DCC: variants seen among roughly 807,000 people sequenced by gnomAD.
DCC encodes DCC netrin 1 receptor.
In DCC, 58 loss-of-function variants were observed where a neutral mutation model predicts 172.5. The ratio of observed to expected loss-of-function variants is 0.34; its 90% CI spans 0.27 to 0.42. The LOEUF (loss-of-function observed/expected upper bound fraction) is 0.42, where lower values mean the gene tolerates loss of function less well. DCC is among the 10% of genes least tolerant of loss of function. The pLI, the probability that DCC is intolerant of heterozygous loss-of-function variation, is 1.00. For missense variants in DCC, 1,740 were observed against 1,791.0 expected (o/e 0.97, Z 0.51); for synonymous variants, 709 against 644.5 (o/e 1.10, Z -1.52).
chr18:53,169,076 A>T (rs1379591218), intron 8 of DCC, among the ~76,000 whole-genome samples: 1 of 152,210 alleles, frequency 6.6e-6, no homozygotes, highest in Non-Finnish European at 1.5e-5. Flanking sequence ...GGCACAGGAG[A>T]ATATACTCTA....
At position 53,111,883 on chromosome 18, in the gene DCC, A is replaced by G. The variant is rs56178538; in HGVS notation, c.1262-45473A>G. Among the ~76,000 whole-genome samples the G allele has an allele frequency of 9.8e-3, 1,495 of 151,806 alleles. 32 individuals carry two copies. Among genetic ancestry groups the G allele is most frequent in the African/African-American group, 0.033 (1,354 of 41,512 alleles). On this transcript the variant is annotated intron_variant, in intron 7 of 28. Coordinates refer to ENST00000442544, the MANE Select transcript of DCC (RefSeq NM_005215.4). ...AGTTGTTTTGCAATTTGCAGTTTCAATTGCTGAAAATTCTCTTGAATGCTT... is the reference window on the plus strand; with the variant it reads ...AGTTGTTTTGCAATTTGCAGTTTCAGTTGCTGAAAATTCTCTTGAATGCTT...
chr18:53,241,643 A>G (rs931955468), intron 12 of DCC, among the ~76,000 whole-genome samples: 6 of 152,200 alleles, frequency 3.9e-5, no homozygotes, highest in African/African-American at 1.4e-4. Context: ...TTGAAGGCCC[A>G]GACAAAGAAC....
At position 53,367,849 on chromosome 18, in the gene DCC, A is replaced by G. The variant is rs34818753; in HGVS notation, c.2360-18194A>G. On this transcript the variant is annotated intron_variant, in intron 15 of 28. Transcript: ENST00000442544. ...TTAATCTGTGTTAAAGCATGCAACA[A>G]TGCCCTCAGAATTTCCTTCTTTTTA... Among the ~76,000 whole-genome samples the G allele has an allele frequency of 1.3e-3, 194 of 152,338 alleles. 1 individual carries two copies. The highest frequency in any genetic ancestry group is 0.011 in the South Asian group (55 of 4,830).
chr18:52,819,953 C>A (rs141192483), intron 2 of DCC, among the ~76,000 whole-genome samples: 1 of 152,060 alleles, frequency 6.6e-6, no homozygotes, highest in East Asian at 1.9e-4. Context: ...ATCTCCTGAC[C>A]TCGTGATCCA....
chr18:52,616,226 G>A (rs73955750), intron 1 of DCC, among the ~76,000 whole-genome samples: 6,421 of 152,050 alleles, frequency 0.042, 458 homozygotes, highest in African/African-American at 0.15. Context: ...TTGTCATGGT[G>A]TTCAGTCTCT....
chr18:53,164,803 T>G (rs2054891974), intron 8 of DCC, among the ~76,000 whole-genome samples: 1 of 152,198 alleles, frequency 6.6e-6, no homozygotes, highest in Non-Finnish European at 1.5e-5. Flanking sequence ...AACTCTTATT[T>G]AGAGAGGACT....
At chr18:52,733,666 T>A (rs1195275658) in intron 1 of DCC, among the ~76,000 whole-genome samples, 7 of 152,050 alleles carry the variant, frequency 4.6e-5, no homozygotes, top group Admixed American at 4.6e-4. Flanking sequence ...GGCTATTTTT[T>A]AAATGTTTTT....
chr18:52,889,332 G>T (rs1234200141), intron 2 of DCC, among the ~76,000 whole-genome samples: 1 of 152,044 alleles, frequency 6.6e-6, no homozygotes, highest in Non-Finnish European at 1.5e-5. Context: ...GAAAATGATA[G>T]TAGATGAGTA....
intron 7 of DCC, among the ~76,000 whole-genome samples, chr18:53,099,943 C>CTTTCTTTCTTTTTTTTTTTT (rs2043143038): frequency 1.1e-5 from 1 of 92,758 alleles, no homozygotes; most frequent in African/African-American, 5.0e-5. Context: ...TTCTTTCTTT[C>CTTTCTTTCTTTTTTTTTTTT]TTTTTTTTTT....
chr18:52,700,007 G>A (rs2036080431), intron 1 of DCC, among the ~76,000 whole-genome samples: 1 of 151,026 alleles, frequency 6.6e-6, no homozygotes, highest in Admixed American at 6.6e-5. Context: ...TAAGAGTAGA[G>A]CAATGTATTC....
intron 7 of DCC, among the ~76,000 whole-genome samples, chr18:53,118,666 C>G (rs1352372971): frequency 6.6e-6 from 1 of 151,646 alleles, no homozygotes; most frequent in East Asian, 1.9e-4. Flanking sequence ...TTATGTGGGA[C>G]AGGCAATGCG....
In DCC at chr18:52,548,778, G is replaced by T. The variant is rs190881958; in HGVS notation, c.92-203276G>T. ...GGAATATTTGGGGTCTCAAATTCTGGAGAAATTTCCCATTTGTAGACAAAA... is the reference window on the plus strand; with the variant it reads ...GGAATATTTGGGGTCTCAAATTCTGTAGAAATTTCCCATTTGTAGACAAAA... On this transcript the variant is annotated intron_variant, in intron 1 of 28. Coordinates refer to ENST00000442544, the MANE Select transcript of DCC (RefSeq NM_005215.4). 6.0e-3 allele frequency among the ~76,000 whole-genome samples: 906 copies of T among 152,110 alleles called. 6 individuals are homozygous for T. The highest frequency in any genetic ancestry group is 0.022 in the South Asian group (104 of 4,826).
chr18:52,678,225 T>G (rs776730075), intron 1 of DCC, among the ~76,000 whole-genome samples: 2 of 152,214 alleles, frequency 1.3e-5, no homozygotes, highest in Non-Finnish European at 2.9e-5. Flanking sequence ...AAGGTTAACG[T>G]TAAGAAACAC....
At chr18:52,883,318 ATTTT>A (rs1307365319) in intron 2 of DCC, among the ~76,000 whole-genome samples, 1 of 133,160 alleles carries the variant, frequency 7.5e-6, no homozygotes, top group Non-Finnish European at 1.6e-5. Context: ...TTTTATTTTT[ATTTT>A]ATTTTTTATT....
chr18:53,504,756 GGAGA>G (rs1205019652), intron 27 of DCC, among the ~76,000 whole-genome samples: 4 of 152,132 alleles, frequency 2.6e-5, no homozygotes, highest in Non-Finnish European at 5.9e-5. Flanking sequence ...ATTGCCCAGA[GGAGA>G]GAGAAATAAT....
Position 53,535,743 on chromosome 18 carries a change from T to A in DCC, c.*5090T>A, listed in dbSNP as rs1198429919. 6.6e-6 allele frequency: 1 copy of A among 152,214 alleles called. No individual in the cohort carries two copies. The highest frequency in any genetic ancestry group is 1.5e-5 in the Non-Finnish European group (1 of 68,036). 9.4% of individuals were successfully genotyped at this position (152,214 alleles called of 1,614,324 possible). On this transcript the variant is annotated 3_prime_UTR_variant, in exon 29 of 29. Coordinates refer to ENST00000442544, the MANE Select transcript of DCC (RefSeq NM_005215.4). ...ACAAGAAAGGAAACTTGCTTACAGT[T>A]TAAAACAATGACTGTTTCTACACAT...
intron 1 of DCC, among the ~76,000 whole-genome samples, chr18:52,462,565 T>A (rs1006728725): frequency 1.3e-5 from 2 of 152,130 alleles, no homozygotes; most frequent in Non-Finnish European, 2.9e-5. Flanking sequence ...CAACTGTCAC[T>A]TTCTTTGTGA....
At chr18:52,994,347 G>A (rs2041445724) in intron 5 of DCC, among the ~76,000 whole-genome samples, 1 of 151,830 alleles carries the variant, frequency 6.6e-6, no homozygotes, top group South Asian at 2.1e-4. Flanking sequence ...GGAGGCAGGG[G>A]GTAAAGTGGC....
In DCC at chr18:52,549,848, T is replaced by G. The variant is rs145837461; in HGVS notation, c.92-202206T>G. Among the ~76,000 whole-genome samples the G allele has an allele frequency of 1.2e-4, 19 of 152,082 alleles. No individual in the cohort carries two copies. The East Asian group carries it at 3.7e-3, about 29-fold the overall frequency. The stretch of plus-strand genomic sequence containing the variant: ...TTTTCCTTTACAGAAATTGTCTCAT[T>G]TATTCTTTATAACTCTACATGTTAT... On this transcript the variant is annotated intron_variant, in intron 1 of 28. Coordinates refer to ENST00000442544, the MANE Select transcript of DCC (RefSeq NM_005215.4).
Sources: gnomAD v4.1 joint callset for allele counts (sites outside exome capture counted in the v4.1 genomes callset) on GRCh38, gnomAD v4.1.1 for gene constraint, MANE v1.5 for transcripts, NCBI Gene and HGNC (gene_info 2026-07-23, HGNC 2026-07-21) for gene names.